Variants in P3H3 observed in about 807,000 individuals in gnomAD.
P3H3 encodes the protein gene rich cluster, B.
P3H3 carries 64 observed loss-of-function variants against 78.1 expected under a neutral mutation model. The ratio of observed to expected loss-of-function variants is 0.82; its 90% CI spans 0.67 to 1.01. The LOEUF is 1.01. Among genes scored for constraint, P3H3 ranks in the 50% least tolerant of loss-of-function variants. The pLI, the probability that P3H3 is intolerant of heterozygous loss-of-function variation, is 0.00. For synonymous variants in P3H3, 425 were observed against 416.7 expected, an observed-to-expected ratio of 1.02 and a Z score of -0.24; for missense variants, 975 against 982.2, an observed-to-expected ratio of 0.99 and a Z score of 0.10.
Position 6,829,436 on chromosome 12 carries a change from C to G in P3H3, c.499-423C>G, listed in dbSNP as rs1943422963. Reference sequence around the variant, plus strand: ...GGACAGCACGCCGCAGCCGCCGGTACCGCAGCAGTTGCCTACGTGGCTGGG... The same window carrying G: ...GGACAGCACGCCGCAGCCGCCGGTAGCGCAGCAGTTGCCTACGTGGCTGGG... On this transcript the variant is annotated intron_variant, in intron 1 of 14. Transcript: ENST00000290510. This position sits in a 1 kb window ranked among gnomAD's most constrained non-coding sequence, Gnocchi z 5.1. 1.2e-5 allele frequency: 3 copies of G among 240,384 alleles called. No homozygotes were observed. The highest frequency in any genetic ancestry group is 5.3e-5 in the South Asian group (1 of 18,722). The allele number at this position is 240,384 out of a possible 1,614,324, so 14.9% of individuals were successfully genotyped here.
intron 9 of P3H3, among the ~76,000 whole-genome samples, chr12:6,836,210 A>C (rs1555122096): frequency 6.9e-6 from 1 of 144,064 alleles, no homozygotes; most frequent in African/African-American, 2.6e-5. Context: ...CGATAGAGCA[A>C]GACCCCGTCT....
In P3H3 at chr12:6,838,986, C is replaced by T. The variant is rs1943529585; in HGVS notation, c.1906-14C>T. The stretch of plus-strand genomic sequence containing the variant: ...AGCCAATCCCTGGAGCTGAACCTGC[C>T]CTCATCCCTCCAGGCTCGGGTGCGT... On this transcript the variant is annotated splice_polypyrimidine_tract_variant and intron_variant, in intron 13 of 14. Transcript: ENST00000290510. 4 of 1,568,636 alleles carry T rather than the reference C, an allele frequency of 2.5e-6. No homozygotes were observed. Among genetic ancestry groups the T allele is most frequent in the East Asian group, 2.2e-5 (1 of 44,496 alleles).
In P3H3 at chr12:6,829,646, C is replaced by G. The variant is rs1267174685; in HGVS notation, c.499-213C>G. The G allele has an allele frequency of 6.9e-6, 4 of 583,826 alleles. No homozygotes were observed. In the Admixed American group the frequency reaches 9.1e-5, roughly 13 times the overall value. The allele number at this position is 583,826 out of a possible 1,614,324, so 36.2% of individuals were successfully genotyped here. A position where few individuals can be genotyped will look rare whatever the true frequency, so the allele number is the denominator to read the frequency against. On this transcript the variant is annotated intron_variant, in intron 1 of 14. Transcript: ENST00000290510. This position sits in a 1 kb window ranked among gnomAD's most constrained non-coding sequence, Gnocchi z 5.1. ...CCCAACTCCGACGTCTTTAGATCCC[C>G]TTTCCCTCGGTGCCAGCCTTCTGAG...
rs782497804 is a variant in P3H3 at position 6,831,382 on chromosome 12, G to A, written c.1122+30G>A. The A allele has an allele frequency of 1.2e-6, 2 of 1,612,474 alleles. No homozygotes were observed. The highest frequency in any genetic ancestry group is 2.2e-5 in the South Asian group (2 of 91,036). On this transcript the variant is annotated intron_variant, in intron 5 of 14. Coordinates refer to ENST00000290510, the MANE Select transcript of P3H3 (RefSeq NM_014262.5). The surrounding 1 kb of genome is among the most constrained non-coding windows in gnomAD (Gnocchi z 4.6). ...TCCCCTCTCCACGCTCACCTGGGAG[G>A]TAGCCCCAAATCAAACAAATAGACC...
In P3H3 at chr12:6,834,063, C is replaced by T; in HGVS notation, c.1458+14C>T. On this transcript the variant is annotated intron_variant, in intron 9 of 14. Transcript: ENST00000290510. ...CAGCTGGCTAAGGTAGGAAGACCTG[C>T]AAGCTCATCAGCTCGTTCAAGACTC... 1 of 1,612,680 alleles carries T rather than the reference C, an allele frequency of 6.2e-7. No homozygotes were observed. The highest frequency in any genetic ancestry group is 1.1e-5 in the South Asian group (1 of 91,032).
intron 6 of P3H3, among the ~76,000 whole-genome samples, chr12:6,832,317 T>C (rs36007371): frequency 0.11 from 16,643 of 152,252 alleles, 1,014 homozygotes; most frequent in East Asian, 0.17. Flanking sequence ...TGGCTAGGAC[T>C]AGGGCATCAA....
At position 6,831,476 on chromosome 12, in the gene P3H3, C is replaced by A; in HGVS notation, c.1122+124C>A. 7.5e-7 allele frequency: 1 copy of A among 1,338,202 alleles called. No individual in the cohort carries two copies. The allele number at this position is 1,338,202 out of a possible 1,614,324, so 82.9% of individuals were successfully genotyped here. ...GAGCACTCTAGTCACCCAAAGGACT[C>A]CAAGTCCAGCATCTGACTTCCGTCT... is the stretch of plus-strand genomic sequence containing the variant. On this transcript the variant is annotated intron_variant, in intron 5 of 14. Coordinates refer to ENST00000290510, the MANE Select transcript of P3H3 (RefSeq NM_014262.5). This position sits in a 1 kb window ranked among gnomAD's most constrained non-coding sequence, Gnocchi z 4.6.
chr12:6,838,171 T>G (rs1394322792), intron 13 of P3H3, 138 bp downstream of exon 13: 1 of 1,102,960 alleles, frequency 9.1e-7, no homozygotes, highest in African/African-American at 1.6e-5. Context: ...TCCGCAGCCC[T>G]CCCGCTGCTT....
Position 6,839,671 on chromosome 12 carries a change from G to T in P3H3, c.*210G>T, listed in dbSNP as rs1328921107. On this transcript the variant is annotated 3_prime_UTR_variant, in exon 15 of 15. Transcript: ENST00000290510. ...GGAGCTCACCAGGCCTGGGGAGCTGGGACGGGGCCCCGCTGCCGGACCTGC... is the reference window on the plus strand; with the variant it reads ...GGAGCTCACCAGGCCTGGGGAGCTGTGACGGGGCCCCGCTGCCGGACCTGC... The T allele has an allele frequency of 1.5e-6, 1 of 660,222 alleles. No homozygotes were observed. The highest frequency in any genetic ancestry group is 2.5e-6 in the Non-Finnish European group (1 of 403,266). 40.9% of individuals were successfully genotyped at this position (660,222 alleles called of 1,614,324 possible). A position where few individuals can be genotyped will look rare whatever the true frequency, so the allele number is the denominator to read the frequency against.
rs1555121781 is a variant in P3H3 at position 6,833,909 on chromosome 12, G to A, written c.1334-16G>A. ...GGGGATGCTCAGCCCCCTCTGCTCTGTCTTTTCCCTGGCAGATGTCCTTCT... is the reference window on the plus strand; with the variant it reads ...GGGGATGCTCAGCCCCCTCTGCTCTATCTTTTCCCTGGCAGATGTCCTTCT... On this transcript the variant is annotated splice_polypyrimidine_tract_variant and intron_variant, in intron 8 of 14. Transcript: ENST00000290510. 6.2e-7 allele frequency: 1 copy of A among 1,613,992 alleles called. No individual in the cohort carries two copies. Among genetic ancestry groups the A allele is most frequent in the Non-Finnish European group, 8.5e-7 (1 of 1,179,888 alleles).
In P3H3 at chr12:6,829,795, CCAGGGGGCAGAGG is replaced by C. The variant is rs1943427300; in HGVS notation, c.499-63_499-51del. ...GTCTGGGGTAGGGTGGGGAGGCTGG[CCAGGGGGCAGAGG>C]TCTGCCCCCCGTCCCAGGGCTCTGA... On this transcript the variant is annotated intron_variant, in intron 1 of 14. Coordinates refer to ENST00000290510, the MANE Select transcript of P3H3 (RefSeq NM_014262.5). This position sits in a 1 kb window ranked among gnomAD's most constrained non-coding sequence, Gnocchi z 5.1. The C allele has an allele frequency of 6.3e-7, 1 of 1,587,386 alleles. No individual in the cohort carries two copies. The highest frequency in any genetic ancestry group is 1.7e-5 in the Admixed American group (1 of 58,678).
Position 6,839,142 on chromosome 12 carries a change from T to A in P3H3, c.2046+2T>A. 1 of 1,597,006 alleles carries A rather than the reference T, an allele frequency of 6.3e-7. No homozygotes were observed. The highest frequency in any genetic ancestry group is 8.5e-7 in the Non-Finnish European group (1 of 1,174,240). On this transcript the variant is annotated splice_donor_variant, in intron 14 of 14. Transcript: ENST00000290510. LOFTEE classifies it high-confidence loss of function. Reference sequence around the variant, plus strand: ...TGGGCACCTGAGCACAGGGAGCAGGTAAGGAGCGGGGTAGGAAGGGATGTG... The same window carrying A: ...TGGGCACCTGAGCACAGGGAGCAGGAAAGGAGCGGGGTAGGAAGGGATGTG...
At chr12:6,830,305 T>C in intron 2 of P3H3, 48 bp from the exon 3 acceptor site, 1 of 1,540,906 alleles carries the variant, frequency 6.5e-7, no homozygotes, top group Non-Finnish European at 8.8e-7. Flanking sequence ...ACCTCCCAGT[T>C]TGGCAACCCC....
In P3H3 at chr12:6,831,391, A is replaced by G; in HGVS notation, c.1122+39A>G. The G allele has an allele frequency of 6.2e-7, 1 of 1,611,304 alleles. No homozygotes were observed. Among genetic ancestry groups the G allele is most frequent in the Admixed American group, 1.7e-5 (1 of 59,954 alleles). On this transcript the variant is annotated intron_variant, in intron 5 of 14. Transcript: ENST00000290510. The surrounding 1 kb of genome is among the most constrained non-coding windows in gnomAD (Gnocchi z 4.6). Reference sequence around the variant, plus strand: ...CACGCTCACCTGGGAGGTAGCCCCAAATCAAACAAATAGACCTGAGAAGTA... The same window carrying G: ...CACGCTCACCTGGGAGGTAGCCCCAGATCAAACAAATAGACCTGAGAAGTA...
Position 6,829,060 on chromosome 12 carries a change from A to C in P3H3, c.498+122A>C. 1 of 601,096 alleles carries C rather than the reference A, an allele frequency of 1.7e-6. No homozygotes were observed. The highest frequency in any genetic ancestry group is 2.4e-6 in the Non-Finnish European group (1 of 412,166). The allele number at this position is 601,096 out of a possible 1,614,324, so 37.2% of individuals were successfully genotyped here. On this transcript the variant is annotated intron_variant, in intron 1 of 14. Coordinates refer to ENST00000290510, the MANE Select transcript of P3H3 (RefSeq NM_014262.5). The surrounding 1 kb of genome is among the most constrained non-coding windows in gnomAD (Gnocchi z 5.1). The stretch of plus-strand genomic sequence containing the variant: ...GGCCCCGCACGGGGCTGGGGAGCGT[A>C]CCGCGGGCCTCTGCGTAGGAGCTGG...
chr12:6,838,149 C>T, intron 13 of P3H3, 116 bp downstream of exon 13: 3 of 1,371,140 alleles, frequency 2.2e-6, no homozygotes, highest in South Asian at 1.3e-5. Flanking sequence ...TTAACCCTTT[C>T]ACTTCCCCGC....
At chr12:6,832,290 G>C (rs782587198) in intron 6 of P3H3, among the ~76,000 whole-genome samples, 1 of 152,174 alleles carries the variant, frequency 6.6e-6, no homozygotes, top group African/African-American at 2.4e-5. Context: ...AGGAAACTGC[G>C]GGGCGGAGGT....
chr12:6,830,448 G>C lies in P3H3; in HGVS notation c.747G>C (p.Gln249His). ...LEEALQGSLA[Q>H]MESCRADCEG... is the part of the protein sequence containing the mutation. The stretch of plus-strand genomic sequence containing the variant: ...AGGCTCTTCAGGGGAGCCTGGCCCA[G>C]ATGGAGAGCTGCCGTGCTGACTGTG... The change falls in exon 3 of 15, where the codon CAG (glutamine) becomes CAC (histidine). Residue 249 changes from glutamine to histidine, a missense_variant. Gln to His is a conservative substitution (Grantham distance 24). Transcript: ENST00000290510. The C allele has an allele frequency of 6.3e-7, 1 of 1,587,706 alleles. No homozygotes were observed.
chr12:6,836,952 G>A, intron 9 of P3H3, 33 bp from the exon 10 acceptor site: 1 of 1,526,148 alleles, frequency 6.6e-7, no homozygotes, highest in Non-Finnish European at 9.1e-7. Flanking sequence ...GGGGCTGGGG[G>A]AGTGACTCCA....
Sources: allele counts gnomAD v4.1 joint callset (sites outside exome capture counted in the v4.1 genomes callset), GRCh38; gene constraint gnomAD v4.1.1; non-coding constraint Gnocchi (gnomAD v3.1); transcripts MANE v1.5; gene names NCBI Gene and HGNC (gene_info 2026-07-23, HGNC 2026-07-21).